The following FAF1 variants were observed in gnomAD, a reference collection of about 807,000 sequenced individuals.
The protein encoded by FAF1 is Fas associated factor 1, also known as FAS-associated factor 1.
Under a neutral mutation model 92.5 loss-of-function variants are expected in FAF1, and 25 were observed. The observed-to-expected ratio is 0.27, with a 90% confidence interval of 0.20 to 0.38. The LOEUF is 0.38. FAF1 is among the 10% of genes least tolerant of loss of function. The pLI, the probability that FAF1 is intolerant of heterozygous loss-of-function variation, is 1.00. For synonymous variants in FAF1, 234 were observed against 273.2 expected (o/e 0.86, Z 1.42); for missense variants, 636 against 793.3 (o/e 0.80, Z 2.38).
At chr1:50,903,297 G>A (rs541308015) in intron 1 of FAF1, among the ~76,000 whole-genome samples, 3 of 152,074 alleles carry the variant, frequency 2.0e-5, no homozygotes, top group Admixed American at 1.3e-4. Flanking sequence ...TCTAACCCTC[G>A]AAAGAGTTAC....
intron 18 of FAF1, among the ~76,000 whole-genome samples, chr1:50,447,650 T>G (rs1230010335): frequency 6.6e-6 from 1 of 152,192 alleles, no homozygotes; most frequent in Non-Finnish European, 1.5e-5. Context: ...AGAAAATCTG[T>G]AAGTCTCTTT....
intron 2 of FAF1, among the ~76,000 whole-genome samples, chr1:50,825,810 A>T (rs1044210577): frequency 6.6e-6 from 1 of 152,206 alleles, no homozygotes; most frequent in Admixed American, 6.5e-5. Flanking sequence ...GACTGAAATC[A>T]CATAGTACAT....
At chr1:50,660,422 C>T (rs961910033) in intron 7 of FAF1, among the ~76,000 whole-genome samples, 5 of 151,892 alleles carry the variant, frequency 3.3e-5, no homozygotes, top group South Asian at 2.1e-4. Flanking sequence ...GTATTATTCT[C>T]GTGAAAGCAA....
intron 2 of FAF1, among the ~76,000 whole-genome samples, chr1:50,851,332 C>T (rs867341713): frequency 6.6e-6 from 1 of 152,150 alleles, no homozygotes; most frequent in Admixed American, 6.5e-5. Flanking sequence ...ATTGGCTTCC[C>T]AAAGTGCTGG....
Position 50,441,242 on chromosome 1 carries a change from G to C in FAF1, c.*198C>G, listed in dbSNP as rs1277603730. The C allele has an allele frequency of 6.2e-6, 3 of 484,950 alleles. No homozygotes were observed. In the Admixed American group the frequency reaches 1.1e-4, roughly 18 times the overall value. The allele number at this position is 484,950 out of a possible 1,614,324, so 30.0% of individuals were successfully genotyped here. Reference sequence around the variant, plus strand: ...CAGAGTTGTAATTCTCTGTAATAAGGGTTGGGAATATATACTCATGGATGG... The same window carrying C: ...CAGAGTTGTAATTCTCTGTAATAAGCGTTGGGAATATATACTCATGGATGG... On this transcript the variant is annotated 3_prime_UTR_variant, in exon 19 of 19. Coordinates refer to ENST00000396153, the MANE Select transcript of FAF1 (RefSeq NM_007051.3).
intron 8 of FAF1, among the ~76,000 whole-genome samples, chr1:50,629,373 T>C (rs573038671): frequency 1.3e-5 from 2 of 152,118 alleles, no homozygotes; most frequent in African/African-American, 2.4e-5. Flanking sequence ...TTCATCATAT[T>C]GGTCAGGCTG....
intron 8 of FAF1, among the ~76,000 whole-genome samples, chr1:50,624,473 C>T (rs145063622): frequency 1.1e-4 from 17 of 151,944 alleles, no homozygotes; most frequent in African/African-American, 3.9e-4. Flanking sequence ...AGTGTTCTTG[C>T]AAAAGTAATT....
chr1:50,937,614 TAG>T (rs1431261657), intron 1 of FAF1, among the ~76,000 whole-genome samples: 1 of 152,154 alleles, frequency 6.6e-6, no homozygotes, highest in East Asian at 1.9e-4. Flanking sequence ...AACCATCTGA[TAG>T]ATAGTTGTAT....
At chr1:50,472,374 C>T (rs1253299724) in intron 18 of FAF1, among the ~76,000 whole-genome samples, 4 of 64,366 alleles carry the variant, frequency 6.2e-5, no homozygotes, top group Non-Finnish European at 7.5e-5. Context: ...AACATACACA[C>T]ACACACACAC....
At chr1:50,804,447 C>T (rs919374709) in intron 2 of FAF1, among the ~76,000 whole-genome samples, 3 of 151,840 alleles carry the variant, frequency 2.0e-5, no homozygotes, top group Non-Finnish European at 4.4e-5. Context: ...ATGTAAAGGA[C>T]AGACAGGAGG....
intron 1 of FAF1, among the ~76,000 whole-genome samples, chr1:50,878,379 G>C (rs953947255): frequency 6.6e-6 from 1 of 152,198 alleles, no homozygotes; most frequent in Non-Finnish European, 1.5e-5. Flanking sequence ...AAAGAAACCA[G>C]TAAGAGGCTA....
At chr1:50,765,375 C>A (rs1253617953) in intron 4 of FAF1, among the ~76,000 whole-genome samples, 1 of 152,080 alleles carries the variant, frequency 6.6e-6, no homozygotes, top group Non-Finnish European at 1.5e-5. Context: ...GAATTTAATA[C>A]CTTTTTTCAA....
intron 18 of FAF1, among the ~76,000 whole-genome samples, chr1:50,459,558 T>G (rs1298750049): frequency 6.6e-6 from 1 of 152,202 alleles, no homozygotes; most frequent in Non-Finnish European, 1.5e-5. Flanking sequence ...CTCTGAAAAC[T>G]TCCTATCCTC....
intron 5 of FAF1, among the ~76,000 whole-genome samples, chr1:50,739,422 ATGTGTATG>A (rs1659297276): frequency 6.6e-6 from 1 of 151,986 alleles, no homozygotes; most frequent in African/African-American, 2.4e-5. Context: ...ATGTGAGTGT[ATGTGTATG>A]TGTGTATATA....
intron 7 of FAF1, among the ~76,000 whole-genome samples, chr1:50,656,873 ACT>A (rs1415862188): frequency 6.6e-6 from 1 of 152,136 alleles, no homozygotes; most frequent in East Asian, 1.9e-4. Context: ...TCAGTGCGAG[ACT>A]CTGTCTCAAA....
intron 4 of FAF1, among the ~76,000 whole-genome samples, chr1:50,746,282 ATATATATATATTTTTTT>A (rs1659608111): frequency 5.3e-5 from 1 of 18,692 alleles, no homozygotes; most frequent in African/African-American, 2.8e-4. Context: ...ATATATATAT[ATATATATATATTTTTTT>A]TTTTTTTTTT....
At chr1:50,621,397 T>C (rs1400373152) in intron 8 of FAF1, among the ~76,000 whole-genome samples, 33 of 124,982 alleles carry the variant, frequency 2.6e-4, no homozygotes, top group Admixed American at 3.8e-4. Flanking sequence ...TTTTCTTTTT[T>C]TTTTTTTTTT....
intron 5 of FAF1, among the ~76,000 whole-genome samples, chr1:50,744,058 G>A (rs961515112): frequency 2.0e-5 from 3 of 151,758 alleles, no homozygotes; most frequent in Non-Finnish European, 4.4e-5. Flanking sequence ...GCAACAGAGC[G>A]AGACTGTCTC....
chr1:50,818,158 A>G (rs996513429), intron 2 of FAF1, among the ~76,000 whole-genome samples: 2 of 152,216 alleles, frequency 1.3e-5, no homozygotes, highest in African/African-American at 2.4e-5. Context: ...TTATACCTCA[A>G]TGAAGTTAAT....
Sources: allele counts gnomAD v4.1 joint callset (sites outside exome capture counted in the v4.1 genomes callset), GRCh38; gene constraint gnomAD v4.1.1; transcripts MANE v1.5; gene names NCBI Gene and HGNC (gene_info 2026-07-23, HGNC 2026-07-21).